The following CSMD1 variants were observed in gnomAD, a reference collection of about 807,000 sequenced individuals.
The protein encoded by CSMD1 is CUB and Sushi multiple domains 1, also known as CUB and sushi domain-containing protein 1.
CSMD1 carries 213 observed loss-of-function variants against 417.5 expected under a neutral mutation model. The observed-to-expected ratio is 0.51, with a 90% confidence interval of 0.46 to 0.57. The LOEUF is 0.57. Among genes scored for constraint, CSMD1 ranks in the 20% least tolerant of loss-of-function variants. CSMD1 has a pLI of 0.00. For missense variants in CSMD1, 6,923 were observed against 4,529.7 expected (o/e 1.53, Z -15.17); for synonymous variants, 2,862 against 1,736.8 (o/e 1.65, Z -16.11).
chr8:4,404,850 A>T (rs1804899641), intron 3 of CSMD1, among the ~76,000 whole-genome samples: 1 of 152,076 alleles, frequency 6.6e-6, no homozygotes, highest in Non-Finnish European at 1.5e-5. Flanking sequence ...AGGCCCTTAC[A>T]CTCTACCAGC....
chr8:4,047,745 G>C (rs911034073), intron 3 of CSMD1, among the ~76,000 whole-genome samples: 3 of 151,780 alleles, frequency 2.0e-5, no homozygotes, highest in African/African-American at 4.8e-5. Flanking sequence ...AATAAATCAA[G>C]AGAAAATGGT....
chr8:3,203,860 TGACA>T (rs975653427), intron 31 of CSMD1, among the ~76,000 whole-genome samples: 3 of 152,172 alleles, frequency 2.0e-5, no homozygotes, highest in Non-Finnish European at 2.9e-5. Context: ...CAGCCTGTGT[TGACA>T]GACAGGGAGC....
intron 3 of CSMD1, among the ~76,000 whole-genome samples, chr8:4,326,399 G>A (rs1009606702): frequency 1.6e-4 from 25 of 152,054 alleles, no homozygotes; most frequent in African/African-American, 5.6e-4. Context: ...GATTTTCAGC[G>A]CAGATAAAAA....
At chr8:4,981,663 T>C (rs1332200358) in intron 1 of CSMD1, among the ~76,000 whole-genome samples, 2 of 152,324 alleles carry the variant, frequency 1.3e-5, no homozygotes, top group Middle Eastern at 3.4e-3. Flanking sequence ...ATTACTTTTC[T>C]AGAAGAGTGT....
chr8:4,625,376 T>C (rs935787475), intron 2 of CSMD1, among the ~76,000 whole-genome samples: 1 of 152,058 alleles, frequency 6.6e-6, no homozygotes, highest in Non-Finnish European at 1.5e-5. Flanking sequence ...CCTTTCAACT[T>C]CCCCATGTAA....
At chr8:3,541,412 C>T (rs1798432766) in intron 10 of CSMD1, among the ~76,000 whole-genome samples, 1 of 152,038 alleles carries the variant, frequency 6.6e-6, no homozygotes, top group Admixed American at 6.6e-5. Context: ...GGATGAATAG[C>T]TAATACGTGT....
rs76742979 is a variant in CSMD1, at chr8:3,410,837, C to G, written c.1562-1232G>C. 5.4e-3 allele frequency among the ~76,000 whole-genome samples: 821 copies of G among 152,120 alleles called. 3 individuals are homozygous for G. Among genetic ancestry groups the G allele is most frequent in the African/African-American group, 0.018 (763 of 41,464 alleles). On this transcript the variant is annotated intron_variant, in intron 12 of 69. Coordinates refer to ENST00000635120, the MANE Select transcript of CSMD1 (RefSeq NM_033225.6). Reference sequence around the variant, plus strand: ...CACTGCAACTTCCAACTCTGGGGCTCGAGTGATCCTCCCACCTGAGACTCC... The same window carrying G: ...CACTGCAACTTCCAACTCTGGGGCTGGAGTGATCCTCCCACCTGAGACTCC...
intron 1 of CSMD1, among the ~76,000 whole-genome samples, chr8:4,989,392 T>C (rs1401177707): frequency 6.6e-6 from 1 of 152,206 alleles, no homozygotes; most frequent in Non-Finnish European, 1.5e-5. Context: ...TTTCCTATCC[T>C]AGGAGACAAC....
At chr8:4,447,342 A>T (rs1798874948) in intron 2 of CSMD1, among the ~76,000 whole-genome samples, 1 of 152,198 alleles carries the variant, frequency 6.6e-6, no homozygotes, top group South Asian at 2.1e-4. Flanking sequence ...GGTCATTCAA[A>T]ATGCTATACA....
At chr8:3,359,096 C>T (rs1372252044) in intron 21 of CSMD1, 56 bp downstream of exon 21, 2 of 1,571,382 alleles carry the variant, frequency 1.3e-6, no homozygotes, top group Non-Finnish European at 1.7e-6. Flanking sequence ...AGGCTTCTTG[C>T]CTGGGCTAGA....
intron 49 of CSMD1, among the ~76,000 whole-genome samples, chr8:3,068,187 A>G (rs556373019): frequency 4.6e-5 from 7 of 152,044 alleles, no homozygotes; most frequent in East Asian, 3.9e-4. Flanking sequence ...CTCTGTGGTA[A>G]TTTTCTTCTT....
intron 2 of CSMD1, among the ~76,000 whole-genome samples, chr8:4,549,026 A>G (rs1405068179): frequency 6.6e-6 from 1 of 152,202 alleles, no homozygotes; most frequent in East Asian, 1.9e-4. Flanking sequence ...GTAATTAAGT[A>G]TATTTTGTTG....
chr8:4,017,729 G>T (rs970687651), intron 4 of CSMD1, among the ~76,000 whole-genome samples: 2 of 152,074 alleles, frequency 1.3e-5, no homozygotes, highest in African/African-American at 4.8e-5. Context: ...CCTCGGCATT[G>T]TGTGTGCATG....
rs142076756 is a variant in CSMD1 at position 4,767,675 on chromosome 8, C to CT, written c.86-130118dup. Among the ~76,000 whole-genome samples, 1,148 of 152,284 alleles carry CT rather than the reference C, an allele frequency of 7.5e-3. 19 individuals carry two copies. The highest frequency in any genetic ancestry group is 0.027 in the African/African-American group (1,107 of 41,560). On this transcript the variant is annotated intron_variant, in intron 1 of 69. Coordinates refer to ENST00000635120, the MANE Select transcript of CSMD1 (RefSeq NM_033225.6). ...TCTACATTTAGCTACCCACAGTCAC[C>CT]TTTTTATGAAAGCATTCACAGGTAC...
rs544699548 is a variant in CSMD1 at position 4,097,387 on chromosome 8, T to A, written c.416-65288A>T. On this transcript the variant is annotated intron_variant, in intron 3 of 69. Coordinates refer to ENST00000635120, the MANE Select transcript of CSMD1 (RefSeq NM_033225.6). The stretch of plus-strand genomic sequence containing the variant: ...GAATGCTTACCACACACGGGTGTTA[T>A]AAGAATTAAACAGACCACACATGAA... 2.6e-5 allele frequency among the ~76,000 whole-genome samples: 4 copies of A among 152,324 alleles called. No homozygotes were observed. In the South Asian group the frequency reaches 8.3e-4, roughly 32 times the overall value.
intron 7 of CSMD1, among the ~76,000 whole-genome samples, chr8:3,622,045 C>T (rs528370925): frequency 1.3e-5 from 2 of 151,244 alleles, no homozygotes; most frequent in South Asian, 4.2e-4. Flanking sequence ...TTCTAACATT[C>T]TGATACTCTA....
At chr8:4,041,224 A>G (rs997787989) in intron 3 of CSMD1, among the ~76,000 whole-genome samples, 2 of 151,916 alleles carry the variant, frequency 1.3e-5, no homozygotes, top group Non-Finnish European at 2.9e-5. Context: ...TCACCGTGTT[A>G]GCCAGGATGG....
intron 3 of CSMD1, among the ~76,000 whole-genome samples, chr8:4,346,371 C>T (rs1182286851): frequency 6.6e-6 from 1 of 152,172 alleles, no homozygotes. Flanking sequence ...CGATCTGCGG[C>T]TGCTTACCTG....
At chr8:4,278,261 T>A (rs953681633) in intron 3 of CSMD1, among the ~76,000 whole-genome samples, 1 of 152,158 alleles carries the variant, frequency 6.6e-6, no homozygotes, top group Non-Finnish European at 1.5e-5. Flanking sequence ...TTCAGTTTAA[T>A]TTTCAATGGA....
Sources: allele counts gnomAD v4.1 joint callset (sites outside exome capture counted in the v4.1 genomes callset), GRCh38; gene constraint gnomAD v4.1.1; transcripts MANE v1.5; gene names NCBI Gene and HGNC (gene_info 2026-07-23, HGNC 2026-07-21).